The following FOXD2 variants were observed in gnomAD, a reference collection of about 807,000 sequenced individuals.
The protein encoded by FOXD2 is forkhead box protein D2.
In FOXD2, 4 loss-of-function variants were observed where a neutral mutation model predicts 6.4. The ratio of observed to expected loss-of-function variants is 0.62; its 90% CI spans 0.31 to 1.42. The LOEUF (loss-of-function observed/expected upper bound fraction) is 1.42. Among genes scored for constraint, FOXD2 ranks in the 40% most tolerant of loss-of-function variants. FOXD2 has a pLI of 0.08. For missense variants in FOXD2, 709 were observed against 766.8 expected (o/e 0.92, Z 0.89); for synonymous variants, 393 against 373.6 (o/e 1.05, Z -0.60).
chr1:47,439,045 G>A lies in FOXD2; in HGVS notation c.910G>A (p.Ala304Thr). 2 of 1,445,388 alleles carry A rather than the reference G, an allele frequency of 1.4e-6. No individual in the cohort carries two copies. Among genetic ancestry groups the A allele is most frequent in the Middle Eastern group, 2.4e-4 (1 of 4,158 alleles). The allele number at this position is 1,445,388 out of a possible 1,614,324, so 89.5% of individuals were successfully genotyped here. ...CGCTTTCGCCGCGGCAGCCGCCGCC[G>A]CTCCTTGCCAGCTGTCGGTACCCCC... is the stretch of plus-strand genomic sequence containing the variant. ...AFAFAAAAAA[A>T]PCQLSVPPGR... The change falls in exon 1 of 1, where the codon GCT (alanine) becomes ACT (threonine). Residue 304 changes from alanine to threonine, a missense_variant. Ala to Thr is a moderately conservative substitution (Grantham distance 58). Around this residue, in one of 5 missense-constraint regions of FOXD2, gnomAD observed 322 missense variants for 313.8 expected, o/e 1.03. Transcript: ENST00000334793.
Position 47,438,211 on chromosome 1 carries a change from G to A in FOXD2, c.76G>A (p.Asp26Asn), listed in dbSNP as rs1440548467. 2.1e-6 allele frequency: 3 copies of A among 1,441,954 alleles called. No individual in the cohort carries two copies. Among genetic ancestry groups the A allele is most frequent in the African/African-American group, 3.0e-5 (2 of 67,416 alleles). 89.3% of individuals were successfully genotyped at this position (1,441,954 alleles called of 1,614,324 possible). A position where few individuals can be genotyped will look rare whatever the true frequency, so the allele number is the denominator to read the frequency against. The change falls in exon 1 of 1, where the codon GAC becomes AAC. Residue 26 changes from aspartate to asparagine, a missense_variant. Asp to Asn is a conservative substitution (Grantham distance 23). Coordinates refer to ENST00000334793, the MANE Select transcript of FOXD2 (RefSeq NM_004474.4). The stretch of plus-strand genomic sequence containing the variant: ...GGCCGCGCTGTCCGAGGCCGACGCA[G>A]ACATAGACGTGGTGGGCGGCGGCAG... ...SPAALSEADA[D>N]IDVVGGGSGG...
Position 47,439,332 on chromosome 1 carries a change from A to AGGCGGCGGG in FOXD2, c.1202_1210dup (p.Gly401_Gly403dup). On this transcript the variant is annotated inframe_insertion, in exon 1 of 1. Transcript: ENST00000334793. ...TCAAGACGGACGCGGGCGGTGGTGC[A>AGGCGGCGGG]GGCGGCGGGGGCGCCGGGGCAGGGC... The AGGCGGCGGG allele has an allele frequency of 6.7e-7, 1 of 1,481,552 alleles. No homozygotes were observed. Among genetic ancestry groups the AGGCGGCGGG allele is most frequent in the Non-Finnish European group, 8.9e-7 (1 of 1,129,640 alleles). 91.8% of individuals were successfully genotyped at this position (1,481,552 alleles called of 1,614,324 possible).
At position 47,438,275 on chromosome 1, in the gene FOXD2, C is replaced by G; in HGVS notation, c.140C>G (p.Ala47Gly). 1 of 1,352,032 alleles carries G rather than the reference C, an allele frequency of 7.4e-7. No homozygotes were observed. The highest frequency in any genetic ancestry group is 9.5e-7 in the Non-Finnish European group (1 of 1,055,496). The allele number at this position is 1,352,032 out of a possible 1,614,324, so 83.8% of individuals were successfully genotyped here. The change falls in exon 1 of 1, where the codon GCC (alanine) becomes GGC (glycine). Residue 47 changes from alanine to glycine, a missense_variant. Ala to Gly is a moderately conservative substitution (Grantham distance 60). Transcript: ENST00000334793. ...CTCCCAGCTCGCTCCGGGCCCCGCG[C>G]CCCCCGGGACGTGCTCCCCCACGGC... ...GELPARSGPR[A>G]PRDVLPHGHE... is the part of the protein sequence containing the mutation.
In FOXD2 at chr1:47,439,134, G is replaced by C; in HGVS notation, c.999G>C (p.Ser333=). Residue 333 remains serine, a synonymous_variant, in exon 1 of 1, where the codon TCG becomes TCC. Transcript: ENST00000334793. ...PTASVFAGAG[S]APAPAPASGS... is the part of the protein sequence containing the mutation. ...CCTCGGTGTTCGCAGGCGCGGGATC[G>C]GCCCCAGCTCCTGCGCCTGCCTCAG... 1 of 1,457,618 alleles carries C rather than the reference G, an allele frequency of 6.9e-7. No individual in the cohort carries two copies. The highest frequency in any genetic ancestry group is 9.0e-7 in the Non-Finnish European group (1 of 1,110,422). 90.3% of individuals were successfully genotyped at this position (1,457,618 alleles called of 1,614,324 possible). A position where few individuals can be genotyped will look rare whatever the true frequency, so the allele number is the denominator to read the frequency against.
Position 47,438,728 on chromosome 1 carries a change from G to A in FOXD2, c.593G>A (p.Gly198Asp). 1 of 1,613,982 alleles carries A rather than the reference G, an allele frequency of 6.2e-7. No homozygotes were observed. Among genetic ancestry groups the A allele is most frequent in the Non-Finnish European group, 8.5e-7 (1 of 1,179,972 alleles). The change falls in exon 1 of 1, where the codon GGC (glycine) becomes GAC (aspartate). Residue 198 changes from glycine (G) to aspartate (D), a missense_variant. Physicochemically the swap from Gly to Asp is moderately conservative, Grantham distance 94. This residue lies in a region of FOXD2 where 69 missense variants were observed against 145.6 expected (regional missense o/e 0.47). Coordinates refer to ENST00000334793, the MANE Select transcript of FOXD2 (RefSeq NM_004474.4). Reference sequence around the variant, plus strand: ...CGCGAGCCGGGCAACCCGGGCAAGGGCAACTACTGGACGCTGGACCCGGAG... The same window carrying A: ...CGCGAGCCGGGCAACCCGGGCAAGGACAACTACTGGACGCTGGACCCGGAG... ...IPREPGNPGK[G>D]NYWTLDPESA...
At position 47,439,625 on chromosome 1, in the gene FOXD2, C is replaced by T; in HGVS notation, c.*2C>T. On this transcript the variant is annotated 3_prime_UTR_variant, in exon 1 of 1. Transcript: ENST00000334793. The stretch of plus-strand genomic sequence containing the variant: ...GGCCTTAGTGGCTGCCACTTCTGAC[C>T]GCAGCAGGCCCAGGGCCGGTTAGGT... 2 of 1,549,688 alleles carry T rather than the reference C, an allele frequency of 1.3e-6. No homozygotes were observed. Among genetic ancestry groups the T allele is most frequent in the South Asian group, 1.2e-5 (1 of 83,644 alleles).
Position 47,438,506 on chromosome 1 carries a change from C to T in FOXD2, c.371C>T (p.Pro124Leu), listed in dbSNP as rs565241171. 6.3e-6 allele frequency: 10 copies of T among 1,596,766 alleles called. No homozygotes were observed. In the African/African-American group the frequency reaches 1.2e-4, roughly 20 times the overall value. Residue 124 changes from proline (P) to leucine (L), a missense_variant, in exon 1 of 1, where the codon CCG becomes CTG. Physicochemically the swap from Pro to Leu is moderately conservative, Grantham distance 98. Transcript: ENST00000334793. ...TCGGGGGGCGCGGCGACGCGGAGCCCGCTGGTGAAGCCGCCCTACTCGTAC... is the reference window on the plus strand; with the variant it reads ...TCGGGGGGCGCGGCGACGCGGAGCCTGCTGGTGAAGCCGCCCTACTCGTAC... ...PPSGGAATRS[P>L]LVKPPYSYIA...
At position 47,438,986 on chromosome 1, in the gene FOXD2, C is replaced by G; in HGVS notation, c.851C>G (p.Pro284Arg). ...GCCTACGGCGCACCCCCGCCGGGGC[C>G]GGCCCCGCATCCGCACCCGCACCCG... ...LPAYGAPPPG[P>R]APHPHPHPHA... Residue 284 changes from proline (P) to arginine (R), a missense_variant, in exon 1 of 1, where the codon CCG (proline) becomes CGG (arginine). Physicochemically the swap from Pro to Arg is moderately radical, Grantham distance 103. Transcript: ENST00000334793. 2 of 1,379,668 alleles carry G rather than the reference C, an allele frequency of 1.4e-6. No individual in the cohort carries two copies. The highest frequency in any genetic ancestry group is 1.9e-6 in the Non-Finnish European group (2 of 1,078,224). 85.5% of individuals were successfully genotyped at this position (1,379,668 alleles called of 1,614,324 possible).
chr1:47,438,951 G>A lies in FOXD2; in HGVS notation c.816G>A (p.Leu272=). 6.6e-7 allele frequency: 1 copy of A among 1,514,798 alleles called. No homozygotes were observed. Among genetic ancestry groups the A allele is most frequent in the Non-Finnish European group, 8.8e-7 (1 of 1,133,852 alleles). 93.8% of individuals were successfully genotyped at this position (1,514,798 alleles called of 1,614,324 possible). Reference sequence around the variant, plus strand: ...GCGCCTACGGCTACGGCTACGGGCTGGCTCTCCCGGCCTACGGCGCACCCC... The same window carrying A: ...GCGCCTACGGCTACGGCTACGGGCTAGCTCTCCCGGCCTACGGCGCACCCC... ...AYGAYGYGYG[L]ALPAYGAPPP... Residue 272 remains leucine, a synonymous_variant, in exon 1 of 1, where the codon CTG becomes CTA. Coordinates refer to ENST00000334793, the MANE Select transcript of FOXD2 (RefSeq NM_004474.4).
rs1168778539 is a variant in FOXD2 at position 47,438,193 on chromosome 1, C to T, written c.58C>T (p.Leu20=). The T allele has an allele frequency of 1.8e-5, 27 of 1,463,322 alleles. No homozygotes were observed. The highest frequency in any genetic ancestry group is 2.3e-5 in the Non-Finnish European group (26 of 1,113,114). The allele number at this position is 1,463,322 out of a possible 1,614,324, so 90.6% of individuals were successfully genotyped here. Residue 20 remains leucine (L), a synonymous_variant, in exon 1 of 1, where the codon CTG becomes TTG. Transcript: ENST00000334793. The stretch of plus-strand genomic sequence containing the variant: ...GTCCTCCGAGAGCTCCCCGGCCGCG[C>T]TGTCCGAGGCCGACGCAGACATAGA... ...IMSSESSPAA[L]SEADADIDVV...
At position 47,439,344 on chromosome 1, in the gene FOXD2, C is replaced by G; in HGVS notation, c.1209C>G (p.Gly403=). ...CGGGCGGTGGTGCAGGCGGCGGGGG[C>G]GCCGGGGCAGGGCAGAGGCCTTCCT... ...TDAGGGAGGG[G]AGAGQRPSFS... Residue 403 remains glycine, a synonymous_variant, in exon 1 of 1, where the codon GGC becomes GGG. Transcript: ENST00000334793. The G allele has an allele frequency of 6.7e-7, 1 of 1,488,830 alleles. No homozygotes were observed. The highest frequency in any genetic ancestry group is 8.8e-7 in the Non-Finnish European group (1 of 1,133,578). 92.2% of individuals were successfully genotyped at this position (1,488,830 alleles called of 1,614,324 possible). A position where few individuals can be genotyped will look rare whatever the true frequency, so the allele number is the denominator to read the frequency against.
rs1342935016 is a variant in FOXD2 at position 47,440,152 on chromosome 1, T to C, written c.*529T>C. 6.1e-6 allele frequency: 1 copy of C among 164,462 alleles called. No homozygotes were observed. Among genetic ancestry groups the C allele is most frequent in the South Asian group, 2.1e-4 (1 of 4,690 alleles). The allele number at this position is 164,462 out of a possible 1,614,324, so 10.2% of individuals were successfully genotyped here. On this transcript the variant is annotated 3_prime_UTR_variant, in exon 1 of 1. Transcript: ENST00000334793. ...TTTTTTTGCTGTTCTCCAAGGAAGT[T>C]CGTTTCCTCTGAAGCCTAAACCAGT...
Position 47,439,069 on chromosome 1 carries a change from C to G in FOXD2, c.934C>G (p.Pro312Ala), listed in dbSNP as rs1407061297. Residue 312 changes from proline to alanine, a missense_variant, in exon 1 of 1, where the codon CCA becomes GCA. Pro to Ala is a conservative substitution (Grantham distance 27, BLOSUM62 -1). Transcript: ENST00000334793. ...AAAPCQLSVP[P>A]GRAAAPPPGP... is the part of the protein sequence containing the mutation. The stretch of plus-strand genomic sequence containing the variant: ...CGCTCCTTGCCAGCTGTCGGTACCC[C>G]CAGGCCGCGCCGCCGCGCCTCCACC... 4.1e-6 allele frequency: 6 copies of G among 1,448,708 alleles called. No individual in the cohort carries two copies. Among genetic ancestry groups the G allele is most frequent in the Non-Finnish European group, 5.4e-6 (6 of 1,105,538 alleles). The allele number at this position is 1,448,708 out of a possible 1,614,324, so 89.7% of individuals were successfully genotyped here.
In FOXD2 at chr1:47,438,450, C is replaced by G. The variant is rs936584544; in HGVS notation, c.315C>G (p.Arg105=). 1.8e-5 allele frequency: 20 copies of G among 1,108,104 alleles called. No homozygotes were observed. The Admixed American group carries it at 6.8e-4, about 38-fold the overall frequency. The allele number at this position is 1,108,104 out of a possible 1,614,324, so 68.6% of individuals were successfully genotyped here. The stretch of plus-strand genomic sequence containing the variant: ...CGGGGCCAGGCGCCGCGGCGGCCCG[C>G]GGCGCAGCGGGGCCCGGGCCGGGAC... The part of the protein sequence containing the change: ...GSPGPGAAAA[R]GAAGPGPGPP... Residue 105 remains arginine (R), a synonymous_variant, in exon 1 of 1, where the codon CGC becomes CGG. Transcript: ENST00000334793.
At position 47,439,530 on chromosome 1, in the gene FOXD2, C is replaced by A; in HGVS notation, c.1395C>A (p.Gly465=). The change falls in exon 1 of 1, where the codon GGC becomes GGA. Residue 465 remains glycine, a synonymous_variant. Coordinates refer to ENST00000334793, the MANE Select transcript of FOXD2 (RefSeq NM_004474.4). ...LTAPALAPVA[G]HIRLSHPGDA... ...CTCCGGCCCTGGCTCCCGTTGCTGGCCACATTCGCCTCTCGCATCCCGGGG... is the reference window on the plus strand; with the variant it reads ...CTCCGGCCCTGGCTCCCGTTGCTGGACACATTCGCCTCTCGCATCCCGGGG... 6.4e-7 allele frequency: 1 copy of A among 1,552,404 alleles called. No homozygotes were observed. The highest frequency in any genetic ancestry group is 2.4e-5 in the East Asian group (1 of 41,370).
Position 47,439,551 on chromosome 1 carries a change from C to G in FOXD2, c.1416C>G (p.Pro472=), listed in dbSNP as rs1056462782. The change falls in exon 1 of 1, where the codon CCC becomes CCG. Residue 472 remains proline (P), a synonymous_variant. Coordinates refer to ENST00000334793, the MANE Select transcript of FOXD2 (RefSeq NM_004474.4). ...CTGGCCACATTCGCCTCTCGCATCC[C>G]GGGGACGCGCTGCTGTCCTCAGGGT... ...PVAGHIRLSH[P]GDALLSSGSR... is the part of the protein sequence containing the mutation. 1.3e-6 allele frequency: 2 copies of G among 1,554,388 alleles called. No individual in the cohort carries two copies. Among genetic ancestry groups the G allele is most frequent in the Non-Finnish European group, 1.7e-6 (2 of 1,149,924 alleles).
chr1:47,439,298 G>C lies in FOXD2; in HGVS notation c.1163G>C (p.Arg388Pro). The part of the protein sequence containing the change: ...TAAGLPTALL[R>P]QGLKTDAGGG... The stretch of plus-strand genomic sequence containing the variant: ...GCGGGTCTGCCCACCGCACTTCTGC[G>C]CCAGGGCCTCAAGACGGACGCGGGC... The change falls in exon 1 of 1, where the codon CGC becomes CCC. Residue 388 changes from arginine (R) to proline (P), a missense_variant. Coordinates refer to ENST00000334793, the MANE Select transcript of FOXD2 (RefSeq NM_004474.4). 2 of 1,490,560 alleles carry C rather than the reference G, an allele frequency of 1.3e-6. No homozygotes were observed. The highest frequency in any genetic ancestry group is 1.8e-6 in the Non-Finnish European group (2 of 1,133,414). 92.3% of individuals were successfully genotyped at this position (1,490,560 alleles called of 1,614,324 possible).
chr1:47,439,301 A>G lies in FOXD2; in HGVS notation c.1166A>G (p.Gln389Arg). Reference protein sequence around the residue: ...AAGLPTALLRQGLKTDAGGGA... With the variant: ...AAGLPTALLRRGLKTDAGGGA... Reference sequence around the variant, plus strand: ...GGTCTGCCCACCGCACTTCTGCGCCAGGGCCTCAAGACGGACGCGGGCGGT... The same window carrying G: ...GGTCTGCCCACCGCACTTCTGCGCCGGGGCCTCAAGACGGACGCGGGCGGT... Residue 389 changes from glutamine to arginine, a missense_variant, in exon 1 of 1, where the codon CAG (glutamine) becomes CGG (arginine). Transcript: ENST00000334793. 1 of 1,489,396 alleles carries G rather than the reference A, an allele frequency of 6.7e-7. No homozygotes were observed. The highest frequency in any genetic ancestry group is 8.8e-7 in the Non-Finnish European group (1 of 1,132,726). The allele number at this position is 1,489,396 out of a possible 1,614,324, so 92.3% of individuals were successfully genotyped here. A position where few individuals can be genotyped will look rare whatever the true frequency, so the allele number is the denominator to read the frequency against.
rs1401330379 is a variant in FOXD2, at chr1:47,439,373, C to G, written c.1238C>G (p.Ser413Cys). The change falls in exon 1 of 1, where the codon TCT becomes TGT. Residue 413 changes from serine to cysteine, a missense_variant. Physicochemically the swap from Ser to Cys is moderately radical, Grantham distance 112 (BLOSUM62 -1). This residue lies in a region of FOXD2 where 322 missense variants were observed against 313.8 expected (regional missense o/e 1.03). Coordinates refer to ENST00000334793, the MANE Select transcript of FOXD2 (RefSeq NM_004474.4). Reference protein sequence around the residue: ...GAGAGQRPSFSIDHIMGHGGG... With the variant: ...GAGAGQRPSFCIDHIMGHGGG... ...GGGGCAGGGCAGAGGCCTTCCTTCT[C>G]TATAGACCACATCATGGGCCACGGT... 6.5e-7 allele frequency: 1 copy of G among 1,544,236 alleles called. No homozygotes were observed. Among genetic ancestry groups the G allele is most frequent in the Non-Finnish European group, 8.6e-7 (1 of 1,156,560 alleles).
Sources: gnomAD v4.1 joint callset for allele counts on GRCh38, gnomAD v4.1.1 for gene constraint, gnomAD v4.1.1 regional missense constraint, MANE v1.5 for transcripts, NCBI Gene and HGNC (gene_info 2026-07-23, HGNC 2026-07-21) for gene names.